Variants in LEF1 observed in about 807,000 individuals in gnomAD.
The protein encoded by LEF1 is lymphoid enhancer binding factor 1.
Under a neutral mutation model 51.2 loss-of-function variants are expected in LEF1, and 14 were observed. That is an observed-to-expected ratio of 0.27 (90% CI 0.18 to 0.43). LEF1 has a LOEUF of 0.43. LEF1 is among the 20% of genes least tolerant of loss of function. LEF1 has a pLI of 1.00. For missense variants in LEF1, 386 were observed against 512.0 expected, an observed-to-expected ratio of 0.75 and a Z score of 2.37; for synonymous variants, 185 against 183.2, an observed-to-expected ratio of 1.01 and a Z score of -0.08.
intron 3 of LEF1, among the ~76,000 whole-genome samples, chr4:108,091,327 G>A (rs1318494402): frequency 6.6e-6 from 1 of 151,678 alleles, no homozygotes; most frequent in Non-Finnish European, 1.5e-5. Context: ...AAAAATATGT[G>A]GCTCCAATGA....
chr4:108,152,313 T>TGAA (rs900879352), intron 3 of LEF1, among the ~76,000 whole-genome samples: 47 of 152,312 alleles, frequency 3.1e-4, no homozygotes, highest in African/African-American at 1.1e-3. Context: ...GGAGTGTAAC[T>TGAA]GAATCATAAG....
At chr4:108,101,306 G>GT (rs1187880986) in intron 3 of LEF1, among the ~76,000 whole-genome samples, 4 of 152,202 alleles carry the variant, frequency 2.6e-5, no homozygotes, top group African/African-American at 9.6e-5. Flanking sequence ...ATGAGGCAGT[G>GT]TATCAGAGCG....
At chr4:108,112,208 C>T (rs1741576313) in intron 3 of LEF1, among the ~76,000 whole-genome samples, 1 of 152,174 alleles carries the variant, frequency 6.6e-6, no homozygotes, top group African/African-American at 2.4e-5. Flanking sequence ...GAACCCTGTC[C>T]TATGAGCTTA....
At chr4:108,088,212 C>A (rs917981017) in intron 4 of LEF1, among the ~76,000 whole-genome samples, 1 of 152,136 alleles carries the variant, frequency 6.6e-6, no homozygotes, top group Non-Finnish European at 1.5e-5. Context: ...CTCTTTTTCA[C>A]ACAGTCATTA....
At position 108,104,201 on chromosome 4, in the gene LEF1, C is replaced by T. The variant is rs563052212; in HGVS notation, c.415-14944G>A. Among the ~76,000 whole-genome samples the T allele has an allele frequency of 7.9e-5, 12 of 151,734 alleles. No individual in the cohort carries two copies. The South Asian group carries it at 1.5e-3, about 18-fold the overall frequency. ...TGTATATGTATATGAAATGTCCGGA[C>T]CAGGCAAAGTCATAGTAACAAAGTA... On this transcript the variant is annotated intron_variant, in intron 3 of 11. Transcript: ENST00000265165.
At chr4:108,099,622 A>G (rs948837944) in intron 3 of LEF1, among the ~76,000 whole-genome samples, 1 of 130,448 alleles carries the variant, frequency 7.7e-6, no homozygotes, top group South Asian at 2.4e-4. Context: ...ATATATAAAT[A>G]ATACTTGAAA....
intron 3 of LEF1, among the ~76,000 whole-genome samples, chr4:108,117,602 G>A (rs28374811): frequency 0.13 from 19,514 of 152,272 alleles, 1,785 homozygotes; most frequent in African/African-American, 0.26. Context: ...TTCTGTAAGG[G>A]CAGCTCTTGC....
intron 3 of LEF1, among the ~76,000 whole-genome samples, chr4:108,108,459 T>G (rs1311723514): frequency 6.6e-6 from 1 of 152,146 alleles, no homozygotes; most frequent in Non-Finnish European, 1.5e-5. Flanking sequence ...TTTTCTGGAC[T>G]TGATTTTTCC....
chr4:108,105,097 T>G (rs1011796701), intron 3 of LEF1, among the ~76,000 whole-genome samples: 11 of 152,016 alleles, frequency 7.2e-5, no homozygotes, highest in Non-Finnish European at 1.5e-4. Flanking sequence ...TATTTAACCC[T>G]CAGAGCTTAA....
intron 3 of LEF1, among the ~76,000 whole-genome samples, chr4:108,146,735 G>GT (rs1251067628): frequency 6.6e-6 from 1 of 152,028 alleles, no homozygotes; most frequent in Non-Finnish European, 1.5e-5. Context: ...TTTTGTTTTT[G>GT]TTTTTTGATC....
chr4:108,087,329 C>T (rs1351830604), intron 4 of LEF1, among the ~76,000 whole-genome samples: 1 of 151,920 alleles, frequency 6.6e-6, no homozygotes, highest in Non-Finnish European at 1.5e-5. Flanking sequence ...ACAAAAATCA[C>T]ATCAATCTTT....
rs1367841423 is a variant in LEF1 at position 108,092,938 on chromosome 4, A to AAC, written c.415-3682_415-3681insGT. Among the ~76,000 whole-genome samples, 17 of 122,926 alleles carry AAC rather than the reference A, an allele frequency of 1.4e-4. 1 individual carries two copies. The highest frequency in any genetic ancestry group is 4.2e-4 in the African/African-American group (16 of 37,928). 80.6% of individuals were successfully genotyped at this position (122,926 alleles called of 152,430 possible). A position where few individuals can be genotyped will look rare whatever the true frequency, so the allele number is the denominator to read the frequency against. ...TATGTAAAAAAAAAAAAAAAAAAAA[A>AAC]AAAAAAAAAAAGACAAGCAAAATCT... On this transcript the variant is annotated intron_variant, in intron 3 of 11. Coordinates refer to ENST00000265165, the MANE Select transcript of LEF1 (RefSeq NM_016269.5).
chr4:108,112,106 C>T (rs1292884126), intron 3 of LEF1, among the ~76,000 whole-genome samples: 1 of 152,102 alleles, frequency 6.6e-6, no homozygotes, highest in Non-Finnish European at 1.5e-5. Flanking sequence ...GTGGTAATGA[C>T]CTGTTGGGAG....
chr4:108,081,113 C>G (rs1263856205), intron 6 of LEF1, among the ~76,000 whole-genome samples: 4 of 152,154 alleles, frequency 2.6e-5, no homozygotes, highest in Non-Finnish European at 4.4e-5. Flanking sequence ...CTGACAGCCT[C>G]CATCCAGGAA....
chr4:108,103,389 TC>T (rs1740947807), intron 3 of LEF1, among the ~76,000 whole-genome samples: 1 of 152,140 alleles, frequency 6.6e-6, no homozygotes, highest in African/African-American at 2.4e-5. Flanking sequence ...TTCAGAAAAA[TC>T]CCATCCACAG....
rs1385354396 is a variant in LEF1, at chr4:108,102,216, AC to A, written c.415-12960del. Among the ~76,000 whole-genome samples the A allele has an allele frequency of 4.6e-5, 7 of 152,346 alleles. No homozygotes were observed. In the East Asian group the frequency reaches 1.4e-3, roughly 29 times the overall value. ...AAGAACATAAATGGTAATTTGAAGAACATCAATAAAGCTTACAGAACAGATT... is the reference window on the plus strand; with the variant it reads ...AAGAACATAAATGGTAATTTGAAGAAATCAATAAAGCTTACAGAACAGATT... On this transcript the variant is annotated intron_variant, in intron 3 of 11. Coordinates refer to ENST00000265165, the MANE Select transcript of LEF1 (RefSeq NM_016269.5).
chr4:108,149,628 TATATATGTAC>T (rs1372199283), intron 3 of LEF1, among the ~76,000 whole-genome samples: 14 of 147,818 alleles, frequency 9.5e-5, no homozygotes, highest in African/African-American at 2.5e-4. Flanking sequence ...TACATGTGTA[TATATATGTAC>T]ATATATGTAC....
At chr4:108,086,829 T>TACACACACAC (rs139231288) in intron 4 of LEF1, among the ~76,000 whole-genome samples, 37,848 of 149,342 alleles carry the variant, frequency 0.25, 5,249 homozygotes, top group East Asian at 0.53. Context: ...CACACACACT[T>TACACACACAC]ACACACACAC....
At chr4:108,151,724 T>C (rs895567766) in intron 3 of LEF1, among the ~76,000 whole-genome samples, 8 of 152,204 alleles carry the variant, frequency 5.3e-5, no homozygotes, top group African/African-American at 1.9e-4. Context: ...GTTCCTGGCA[T>C]GTGCTAAGTA....
Sources: gnomAD v4.1 joint callset for allele counts (sites outside exome capture counted in the v4.1 genomes callset) on GRCh38, gnomAD v4.1.1 for gene constraint, MANE v1.5 for transcripts, NCBI Gene and HGNC (gene_info 2026-07-23, HGNC 2026-07-21) for gene names.